NTRK2: variants seen among roughly 807,000 people sequenced by gnomAD.
NTRK2 encodes neurotrophic receptor tyrosine kinase 2, also known as BDNF/NT-3 growth factors receptor.
A neutral mutation model predicts 94.5 loss-of-function variants in NTRK2; 13 were observed. The ratio of observed to expected loss-of-function variants is 0.14; its 90% confidence interval spans 0.09 to 0.22. NTRK2 has a LOEUF of 0.22. NTRK2 is among the 10% of genes least tolerant of loss of function. The pLI is 1.00. For synonymous variants in NTRK2, 372 were observed against 407.4 expected, an observed-to-expected ratio of 0.91 and a Z score of 1.05; for missense variants, 639 against 1,071.2, an observed-to-expected ratio of 0.60 and a Z score of 5.63.
chr9:84,746,255 G>C (rs2064060966), intron 11 of NTRK2, among the ~76,000 whole-genome samples: 1 of 152,212 alleles, frequency 6.6e-6, no homozygotes, highest in Admixed American at 6.5e-5. Context: ...TGAACAGAGT[G>C]TTACTGGAAC....
In NTRK2 at chr9:84,872,355, G is replaced by T. The variant is rs2075896608; in HGVS notation, c.1633+4924G>T. ...AAAATCCCCAAATCATCAATCTTGGGTTCTCTTGAAGGGCAGGAGTGTGTT... is the reference window on the plus strand; with the variant it reads ...AAAATCCCCAAATCATCAATCTTGGTTTCTCTTGAAGGGCAGGAGTGTGTT... On this transcript the variant is annotated intron_variant, in intron 14 of 18. Coordinates refer to ENST00000277120, the MANE Select transcript of NTRK2 (RefSeq NM_006180.6). 7 of 1,100,360 alleles carry T rather than the reference G, an allele frequency of 6.4e-6. No homozygotes were observed. In the East Asian group the frequency reaches 1.7e-4, roughly 26 times the overall value. The allele number at this position is 1,100,360 out of a possible 1,614,324, so 68.2% of individuals were successfully genotyped here. A position where few individuals can be genotyped will look rare whatever the true frequency, so the allele number is the denominator to read the frequency against.
chr9:84,944,105 C>G (rs939759927), intron 15 of NTRK2, among the ~76,000 whole-genome samples: 3 of 151,930 alleles, frequency 2.0e-5, no homozygotes, highest in African/African-American at 7.3e-5. Flanking sequence ...TGAGAATGGG[C>G]TCTTTTCCAT....
At chr9:84,810,492 T>G in intron 12 of NTRK2, 1 of 1,536,102 alleles carries the variant, frequency 6.5e-7, no homozygotes, top group Non-Finnish European at 9.0e-7. Flanking sequence ...TTAATTTTCA[T>G]TGATTTTTCT....
intron 14 of NTRK2, among the ~76,000 whole-genome samples, chr9:84,915,200 C>T (rs1481686705): frequency 6.6e-6 from 1 of 152,122 alleles, no homozygotes; most frequent in African/African-American, 2.4e-5. Context: ...CCTAACAGGC[C>T]ATAGATCAGT....
intron 14 of NTRK2, among the ~76,000 whole-genome samples, chr9:84,893,254 C>G (rs1337195924): frequency 6.6e-6 from 1 of 152,184 alleles, no homozygotes; most frequent in Non-Finnish European, 1.5e-5. Flanking sequence ...TTTGCCTGTT[C>G]TAGGGCTTCA....
chr9:84,877,404 G>A, intron 14 of NTRK2: 1 of 1,066,040 alleles, frequency 9.4e-7, no homozygotes, highest in Non-Finnish European at 1.1e-6. Flanking sequence ...ATTTACTTTT[G>A]GAGAGAGGGG....
At chr9:84,753,218 T>C (rs2064794889) in intron 12 of NTRK2, among the ~76,000 whole-genome samples, 2 of 152,082 alleles carry the variant, frequency 1.3e-5, no homozygotes, top group South Asian at 4.2e-4. Context: ...TGATCCTTGA[T>C]GTTTCTTCAG....
At chr9:84,850,244 A>T (rs1220940565) in intron 12 of NTRK2, among the ~76,000 whole-genome samples, 1 of 152,142 alleles carries the variant, frequency 6.6e-6, no homozygotes, top group Non-Finnish European at 1.5e-5. Flanking sequence ...CAAAACATCA[A>T]ACGCAAAGAC....
chr9:84,963,739 C>T (rs1185863308), intron 17 of NTRK2, among the ~76,000 whole-genome samples: 3 of 152,222 alleles, frequency 2.0e-5, no homozygotes, highest in Non-Finnish European at 4.4e-5. Context: ...TAATAAGCCA[C>T]TTGACACTGT....
At chr9:84,674,187 G>A (rs1181613428) in intron 2 of NTRK2, among the ~76,000 whole-genome samples, 1 of 151,978 alleles carries the variant, frequency 6.6e-6, no homozygotes, top group Non-Finnish European at 1.5e-5. Context: ...TATCCATGTT[G>A]CTGTGGAAGG....
intron 2 of NTRK2, among the ~76,000 whole-genome samples, chr9:84,696,257 G>T (rs2060368911): frequency 1.3e-5 from 2 of 152,148 alleles, no homozygotes; most frequent in South Asian, 4.1e-4. Context: ...TCCTGCCTTG[G>T]CCTCCCAAAG....
intron 12 of NTRK2, among the ~76,000 whole-genome samples, chr9:84,799,471 T>C (rs114096713): frequency 9.8e-5 from 15 of 152,346 alleles, no homozygotes; most frequent in Non-Finnish European, 2.1e-4. Flanking sequence ...ATTTCAGCTC[T>C]AGGTGAGTTT....
At chr9:84,986,929 A>G (rs1828388282) in intron 17 of NTRK2, among the ~76,000 whole-genome samples, 1 of 152,234 alleles carries the variant, frequency 6.6e-6, no homozygotes, top group Admixed American at 6.5e-5. Flanking sequence ...AGATTAGAAC[A>G]GATGGTCTTG....
At chr9:84,736,981 C>T (rs1005912605) in intron 9 of NTRK2, among the ~76,000 whole-genome samples, 3 of 152,172 alleles carry the variant, frequency 2.0e-5, no homozygotes, top group Non-Finnish European at 4.4e-5. Context: ...GTCGGCAAAG[C>T]AAGGACAGTT....
intron 14 of NTRK2, among the ~76,000 whole-genome samples, chr9:84,907,975 T>G (rs556927901): frequency 1.2e-4 from 18 of 152,326 alleles, no homozygotes; most frequent in Non-Finnish European, 1.9e-4. Flanking sequence ...TCTAGAAACC[T>G]TTACTGCTCA....
chr9:84,863,800 G>A (rs1587727075), intron 13 of NTRK2, among the ~76,000 whole-genome samples: 1 of 152,316 alleles, frequency 6.6e-6, no homozygotes, highest in Non-Finnish European at 1.5e-5. Flanking sequence ...AATTGTTGAG[G>A]TTTATGTGTT....
rs1454045433 is a variant in NTRK2 at position 84,706,859 on chromosome 9, C to T, written c.360-985C>T. Among the ~76,000 whole-genome samples the T allele has an allele frequency of 2.6e-5, 4 of 152,190 alleles. No individual in the cohort carries two copies. In the East Asian group the frequency reaches 7.7e-4, roughly 29 times the overall value. Reference sequence around the variant, plus strand: ...CTCATGTTTTATCCAACTCTCAACCCAACACTTGCCTTCCTCGGCAGGAAA... The same window carrying T: ...CTCATGTTTTATCCAACTCTCAACCTAACACTTGCCTTCCTCGGCAGGAAA... On this transcript the variant is annotated intron_variant, in intron 4 of 18. Transcript: ENST00000277120.
At chr9:84,967,905 G>T (rs1343637024) in intron 17 of NTRK2, among the ~76,000 whole-genome samples, 1 of 152,226 alleles carries the variant, frequency 6.6e-6, no homozygotes, top group Non-Finnish European at 1.5e-5. Context: ...TTTTTCTGCA[G>T]CTACCATGGG....
At chr9:84,935,881 G>A (rs1756840128) in intron 15 of NTRK2, among the ~76,000 whole-genome samples, 1 of 152,062 alleles carries the variant, frequency 6.6e-6, no homozygotes, top group African/African-American at 2.4e-5. Flanking sequence ...TTGGTTAAAT[G>A]AGACCAAAAG....
Sources: allele counts gnomAD v4.1 joint callset (sites outside exome capture counted in the v4.1 genomes callset), GRCh38; gene constraint gnomAD v4.1.1; transcripts MANE v1.5; gene names NCBI Gene and HGNC (gene_info 2026-07-23, HGNC 2026-07-21).